LTBP1: variants seen among roughly 807,000 people sequenced by gnomAD.
The protein encoded by LTBP1 is latent-transforming growth factor beta-binding protein 1.
Under a neutral mutation model 207.6 loss-of-function variants are expected in LTBP1, and 129 were observed. That is an observed-to-expected ratio of 0.62 (90% CI 0.54 to 0.72). LTBP1 has a LOEUF of 0.72. Among genes scored for constraint, LTBP1 ranks in the 30% least tolerant of loss-of-function variants. The pLI is 0.00. For synonymous variants in LTBP1, 963 were observed against 833.7 expected (o/e 1.16, Z -2.67); for missense variants, 2,281 against 2,217.2 (o/e 1.03, Z -0.58).
intron 2 of LTBP1, among the ~76,000 whole-genome samples, chr2:32,961,112 C>G (rs970139106): frequency 6.6e-6 from 1 of 152,130 alleles, no homozygotes; most frequent in African/African-American, 2.4e-5. Flanking sequence ...CATTAGATCA[C>G]TTTGATTGCT....
chr2:33,382,074 C>CTTTTTTT lies in LTBP1; in HGVS notation c.4712-7078_4712-7072dup, dbSNP rs70938398. 7.5e-3 allele frequency among the ~76,000 whole-genome samples: 351 copies of CTTTTTTT among 46,776 alleles called. 134 individuals carry two copies. The highest frequency in any genetic ancestry group is 1.0e-2 in the Non-Finnish European group (249 of 24,952). The allele number at this position is 46,776 out of a possible 152,430, so 30.7% of individuals were successfully genotyped here. A position where few individuals can be genotyped will look rare whatever the true frequency, so the allele number is the denominator to read the frequency against. On this transcript the variant is annotated intron_variant, in intron 31 of 33. Coordinates refer to ENST00000404816, the MANE Select transcript of LTBP1 (RefSeq NM_206943.4). The stretch of plus-strand genomic sequence containing the variant: ...TACAGCAGTTAGCGCCCTACTGCTT[C>CTTTTTTT]TTTTTTTTTTTTTTTTTTTTTTTTT...
In LTBP1 at chr2:33,134,603, C is replaced by A; in HGVS notation, c.1034-190C>A. On this transcript the variant is annotated intron_variant, in intron 4 of 33. Transcript: ENST00000404816. This position sits in a 1 kb window ranked among gnomAD's most constrained non-coding sequence, Gnocchi z 4.4. Reference sequence around the variant, plus strand: ...GCTTCCTACTCCTGTTTCAGAGACACCACTGAATACAGAGCAGCGAGCACT... The same window carrying A: ...GCTTCCTACTCCTGTTTCAGAGACAACACTGAATACAGAGCAGCGAGCACT... The A allele has an allele frequency of 6.5e-7, 1 of 1,535,820 alleles. No homozygotes were observed. Among genetic ancestry groups the A allele is most frequent in the South Asian group, 1.2e-5 (1 of 81,528 alleles).
At chr2:33,285,239 A>G (rs1294134077) in intron 19 of LTBP1, among the ~76,000 whole-genome samples, 1 of 151,276 alleles carries the variant, frequency 6.6e-6, no homozygotes, top group Admixed American at 6.6e-5. Flanking sequence ...ATGGGGTTTC[A>G]CCATGTTGGC....
intron 2 of LTBP1, among the ~76,000 whole-genome samples, chr2:32,996,143 C>T (rs926887404): frequency 1.3e-5 from 2 of 152,138 alleles, no homozygotes; most frequent in African/African-American, 4.8e-5. Context: ...GATGCTATAA[C>T]AAAATACCGT....
intron 2 of LTBP1, among the ~76,000 whole-genome samples, chr2:32,978,786 T>G (rs1682263084): frequency 6.6e-6 from 1 of 151,944 alleles, no homozygotes; most frequent in Non-Finnish European, 1.5e-5. Context: ...AGGATTGGTA[T>G]TAGTTCTTCT....
At chr2:33,290,374 C>A (rs1324625159) in intron 19 of LTBP1, among the ~76,000 whole-genome samples, 6 of 152,202 alleles carry the variant, frequency 3.9e-5, no homozygotes, top group African/African-American at 9.6e-5. Flanking sequence ...GAAGCTAGAA[C>A]TGTGGGGGCC....
chr2:33,390,677 A>C (rs1349362043), intron 32 of LTBP1, among the ~76,000 whole-genome samples: 4 of 151,758 alleles, frequency 2.6e-5, no homozygotes, highest in African/African-American at 9.7e-5. Context: ...TTCCGTAGAG[A>C]TGGGGGGTTT....
At chr2:33,222,674 A>G (rs1558840181) in intron 9 of LTBP1, among the ~76,000 whole-genome samples, 1 of 152,184 alleles carries the variant, frequency 6.6e-6, no homozygotes, top group Non-Finnish European at 1.5e-5. Flanking sequence ...TGTTTGGTTT[A>G]TGTTGAACAG....
chr2:33,159,567 C>T (rs1001786651), intron 5 of LTBP1, among the ~76,000 whole-genome samples: 1 of 152,136 alleles, frequency 6.6e-6, no homozygotes, highest in African/African-American at 2.4e-5. Flanking sequence ...TGCTTCTAAC[C>T]CCCACCCTCC....
chr2:33,375,937 A>G (rs574946555), intron 31 of LTBP1, among the ~76,000 whole-genome samples: 32 of 151,540 alleles, frequency 2.1e-4, no homozygotes, highest in African/African-American at 7.1e-4. Context: ...ACATTTTATC[A>G]TCCTATTTAT....
chr2:33,269,040 G>A (rs758568505), intron 15 of LTBP1, among the ~76,000 whole-genome samples: 9 of 152,120 alleles, frequency 5.9e-5, no homozygotes, highest in Non-Finnish European at 1.2e-4. Flanking sequence ...CTGTGTATGC[G>A]GATAGAAAAT....
chr2:33,366,293 A>G (rs1359546543), intron 31 of LTBP1, among the ~76,000 whole-genome samples: 1 of 152,240 alleles, frequency 6.6e-6, no homozygotes, highest in Non-Finnish European at 1.5e-5. Context: ...TAGAAAGATC[A>G]TGTGCAAGTA....
chr2:33,278,234 A>T (rs2093486539), intron 18 of LTBP1, among the ~76,000 whole-genome samples: 2 of 152,190 alleles, frequency 1.3e-5, no homozygotes, highest in Admixed American at 1.3e-4. Context: ...AAAATTATGT[A>T]CTTAAATTGG....
intron 5 of LTBP1, among the ~76,000 whole-genome samples, chr2:33,167,559 C>G (rs1332917681): frequency 1.3e-5 from 2 of 152,204 alleles, no homozygotes; most frequent in East Asian, 3.8e-4. Context: ...GCATTTGTTG[C>G]TTTAAGAGCA....
chr2:33,296,632 T>C (rs1020235545), intron 20 of LTBP1, among the ~76,000 whole-genome samples: 3 of 152,200 alleles, frequency 2.0e-5, no homozygotes, highest in Non-Finnish European at 2.9e-5. Flanking sequence ...CCATCCCAGC[T>C]GAGCCTGGGA....
chr2:33,080,976 A>G (rs1366883431), intron 3 of LTBP1, among the ~76,000 whole-genome samples: 1 of 152,212 alleles, frequency 6.6e-6, no homozygotes, highest in Admixed American at 6.5e-5. Flanking sequence ...TATAAGTTTC[A>G]TTTGACATGG....
At chr2:33,293,080 C>A in intron 19 of LTBP1, 80 bp from the exon 20 acceptor site, 1 of 1,448,730 alleles carries the variant, frequency 6.9e-7, no homozygotes, top group South Asian at 1.3e-5. Context: ...CTACTGTTTC[C>A]ATTTCTAACC....
chr2:33,395,278 G>A (rs1296609965), intron 32 of LTBP1, among the ~76,000 whole-genome samples: 1 of 152,154 alleles, frequency 6.6e-6, no homozygotes, highest in Non-Finnish European at 1.5e-5. Context: ...GAGTTCCTCT[G>A]ATTCAAATCC....
At chr2:33,220,888 C>T (rs754823747) in intron 8 of LTBP1, among the ~76,000 whole-genome samples, 1 of 152,164 alleles carries the variant, frequency 6.6e-6, no homozygotes, top group Non-Finnish European at 1.5e-5. Flanking sequence ...AGGGGAAATA[C>T]AGCAAAGAAA....
Sources: gnomAD v4.1 joint callset for allele counts (sites outside exome capture counted in the v4.1 genomes callset) on GRCh38, gnomAD v4.1.1 for gene constraint, Gnocchi (gnomAD v3.1) non-coding constraint, MANE v1.5 for transcripts, NCBI Gene and HGNC (gene_info 2026-07-23, HGNC 2026-07-21) for gene names.